IGF1R: variants seen among roughly 807,000 people sequenced by gnomAD.
The protein encoded by IGF1R is insulin-like growth factor 1 receptor.
In IGF1R, 44 loss-of-function variants were observed where a neutral mutation model predicts 144.6. That is an observed-to-expected ratio of 0.30 (90% CI 0.24 to 0.39). The LOEUF is 0.39. Among genes scored for constraint, IGF1R ranks in the 10% least tolerant of loss-of-function variants. The pLI, the probability that IGF1R is intolerant of heterozygous loss-of-function variation, is 1.00. For synonymous variants in IGF1R, 795 were observed against 722.8 expected (o/e 1.10, Z -1.60); for missense variants, 1,355 against 1,833.7 (o/e 0.74, Z 4.77).
intron 2 of IGF1R, among the ~76,000 whole-genome samples, chr15:98,730,731 T>A (rs2054478652): frequency 6.6e-6 from 1 of 152,252 alleles, no homozygotes; most frequent in African/African-American, 2.4e-5. Context: ...GAGATCTGTA[T>A]CTTGGGTAAT....
intron 2 of IGF1R, among the ~76,000 whole-genome samples, chr15:98,714,025 C>G (rs1194355019): frequency 1.3e-5 from 2 of 152,176 alleles, no homozygotes; most frequent in African/African-American, 4.8e-5. Flanking sequence ...GTTGCATTTC[C>G]TATTGCCCTC....
intron 2 of IGF1R, among the ~76,000 whole-genome samples, chr15:98,813,270 CCTCA>C (rs2056629981): frequency 6.6e-6 from 1 of 152,058 alleles, no homozygotes; most frequent in East Asian, 1.9e-4. Flanking sequence ...AGGCCACGCC[CCTCA>C]CTCATATGCA....
At chr15:98,731,274 G>A (rs1233988283) in intron 2 of IGF1R, among the ~76,000 whole-genome samples, 1 of 152,242 alleles carries the variant, frequency 6.6e-6, no homozygotes, top group Non-Finnish European at 1.5e-5. Flanking sequence ...ATAGTTAATA[G>A]CAACTGAAGG....
At chr15:98,945,170 T>C (rs1346272436) in intron 19 of IGF1R, among the ~76,000 whole-genome samples, 1 of 152,270 alleles carries the variant, frequency 6.6e-6, no homozygotes, top group African/African-American at 2.4e-5. Flanking sequence ...CCTAGAGCTG[T>C]GCTTCTTCCC....
intron 2 of IGF1R, among the ~76,000 whole-genome samples, chr15:98,823,458 AC>A (rs1181020707): frequency 5.3e-5 from 8 of 152,236 alleles, no homozygotes; most frequent in Non-Finnish European, 1.0e-4. Context: ...CAGTTATTAG[AC>A]CAGGCTTAGT....
chr15:98,873,033 G>A (rs760381642), intron 2 of IGF1R, among the ~76,000 whole-genome samples: 20 of 151,960 alleles, frequency 1.3e-4, no homozygotes, highest in African/African-American at 2.2e-4. Flanking sequence ...ATGCTACCTC[G>A]CGTCATCATG....
At chr15:98,936,779 C>T (rs1010277785) in intron 17 of IGF1R, among the ~76,000 whole-genome samples, 2 of 152,136 alleles carry the variant, frequency 1.3e-5, no homozygotes, top group Non-Finnish European at 2.9e-5. Flanking sequence ...GGATGGTTTA[C>T]AAAACTCCCA....
intron 20 of IGF1R, among the ~76,000 whole-genome samples, chr15:98,952,401 T>C (rs111445179): frequency 0.013 from 1,921 of 152,232 alleles, 20 homozygotes; most frequent in Middle Eastern, 0.092. Context: ...CCAGCCATTA[T>C]GAGAAAAATC....
chr15:98,740,369 G>C lies in IGF1R; in HGVS notation c.640+32262G>C, dbSNP rs564774068. Among the ~76,000 whole-genome samples, 11 of 152,304 alleles carry C rather than the reference G, an allele frequency of 7.2e-5. No homozygotes were observed. In the South Asian group the frequency reaches 8.3e-4, roughly 11 times the overall value. ...ATAAATGGGACTAAGAGTAAATGCA[G>C]GCTGAAAAAGCATTTAACAGGTCAA... On this transcript the variant is annotated intron_variant, in intron 2 of 20. Transcript: ENST00000650285.
intron 19 of IGF1R, among the ~76,000 whole-genome samples, chr15:98,945,864 G>A (rs1170093395): frequency 6.6e-6 from 1 of 152,120 alleles, no homozygotes; most frequent in Non-Finnish European, 1.5e-5. Flanking sequence ...AGGTGATGTT[G>A]ACCTCAGACA....
chr15:98,851,775 A>T (rs1365324720), intron 2 of IGF1R, among the ~76,000 whole-genome samples: 2 of 152,188 alleles, frequency 1.3e-5, no homozygotes, highest in Admixed American at 6.5e-5. Flanking sequence ...GGTGAACTAC[A>T]TCCTGTGTGG....
At chr15:98,847,302 G>A (rs1220358479) in intron 2 of IGF1R, among the ~76,000 whole-genome samples, 1 of 152,134 alleles carries the variant, frequency 6.6e-6, no homozygotes, top group Non-Finnish European at 1.5e-5. Context: ...TTTACAGGGG[G>A]GCGTCTTGGT....
intron 2 of IGF1R, among the ~76,000 whole-genome samples, chr15:98,882,719 T>A (rs1273606854): frequency 1.3e-5 from 2 of 152,206 alleles, no homozygotes; most frequent in Non-Finnish European, 2.9e-5. Flanking sequence ...CCCTTCTGTA[T>A]ACCCTAGTAC....
chr15:98,842,124 C>T (rs1350451863), intron 2 of IGF1R, among the ~76,000 whole-genome samples: 1 of 152,226 alleles, frequency 6.6e-6, no homozygotes, highest in African/African-American at 2.4e-5. Context: ...AGTTCCAGAA[C>T]AGACCCCTTC....
At chr15:98,654,473 A>C (rs1393441560) in intron 1 of IGF1R, among the ~76,000 whole-genome samples, 1 of 152,216 alleles carries the variant, frequency 6.6e-6, no homozygotes, top group African/African-American at 2.4e-5. Flanking sequence ...AGCATTCATA[A>C]TTTCAGGGCA....
chr15:98,810,495 A>G (rs1217566771), intron 2 of IGF1R, among the ~76,000 whole-genome samples: 1 of 151,678 alleles, frequency 6.6e-6, no homozygotes, highest in East Asian at 1.9e-4. Context: ...TTTGTACCAT[A>G]CTTAACAGGC....
chr15:98,903,011 C>A (rs866391289), intron 5 of IGF1R, among the ~76,000 whole-genome samples: 3 of 152,206 alleles, frequency 2.0e-5, no homozygotes, highest in South Asian at 4.2e-4. Context: ...TTTTGTAACC[C>A]AGTTACAAAA....
At position 98,831,185 on chromosome 15, in the gene IGF1R, C is replaced by T. The variant is rs114090381; in HGVS notation, c.641-60140C>T. ...GGAACAAACATTCAAACTATATCTA[C>T]GACCAAATTTTCCTAATTCCTTTCT... On this transcript the variant is annotated intron_variant, in intron 2 of 20. Coordinates refer to ENST00000650285, the MANE Select transcript of IGF1R (RefSeq NM_000875.5). 4.2e-3 allele frequency among the ~76,000 whole-genome samples: 640 copies of T among 152,310 alleles called. 3 individuals are homozygous for T. The highest frequency in any genetic ancestry group is 0.013 in the African/African-American group (547 of 41,566).
At chr15:98,898,065 G>A (rs891920503) in intron 4 of IGF1R, among the ~76,000 whole-genome samples, 8 of 152,146 alleles carry the variant, frequency 5.3e-5, no homozygotes, top group East Asian at 1.9e-4. Flanking sequence ...TTCTGAATTA[G>A]TTGATATCCC....
Sources: allele counts gnomAD v4.1 joint callset (sites outside exome capture counted in the v4.1 genomes callset), GRCh38; gene constraint gnomAD v4.1.1; transcripts MANE v1.5; gene names NCBI Gene and HGNC (gene_info 2026-07-23, HGNC 2026-07-21).